Variants in ODAD2 observed in about 807,000 individuals in gnomAD.
ODAD2 encodes outer dynein arm-docking complex subunit 2.
A neutral mutation model predicts 106.8 loss-of-function variants in ODAD2; 89 were observed. The observed-to-expected ratio is 0.83, with a 90% CI of 0.70 to 0.99. The LOEUF is 0.99. ODAD2 is among the 50% of genes least tolerant of loss of function. ODAD2 has a pLI of 0.00. For synonymous variants in ODAD2, 404 were observed against 436.2 expected, an observed-to-expected ratio of 0.93 and a Z score of 0.92; for missense variants, 1,168 against 1,238.5, an observed-to-expected ratio of 0.94 and a Z score of 0.85.
At chr10:27,955,002 A>G (rs571078853) in intron 10 of ODAD2, among the ~76,000 whole-genome samples, 20 of 152,330 alleles carry the variant, frequency 1.3e-4, no homozygotes, top group South Asian at 1.0e-3. Context: ...AGCAATTAAA[A>G]AAAAGTCACA....
At chr10:27,816,878 T>C (rs1414886694) in intron 19 of ODAD2, among the ~76,000 whole-genome samples, 1 of 152,126 alleles carries the variant, frequency 6.6e-6, no homozygotes, top group Non-Finnish European at 1.5e-5. Context: ...GCCTCCTGAG[T>C]AGCTGGGATT....
At chr10:27,861,874 G>C (rs1299376967) in intron 18 of ODAD2, among the ~76,000 whole-genome samples, 2 of 152,098 alleles carry the variant, frequency 1.3e-5, no homozygotes, top group African/African-American at 2.4e-5. Context: ...ATCCTTCCAG[G>C]GTTTGAATTT....
intron 19 of ODAD2, among the ~76,000 whole-genome samples, chr10:27,832,024 C>A (rs956606696): frequency 6.6e-6 from 1 of 152,258 alleles, no homozygotes; most frequent in African/African-American, 2.4e-5. Flanking sequence ...GGGGCTTCCC[C>A]TGAAGGCTGG....
intron 1 of ODAD2, among the ~76,000 whole-genome samples, chr10:27,998,689 G>T (rs1430568317): frequency 6.6e-6 from 1 of 152,142 alleles, no homozygotes; most frequent in Non-Finnish European, 1.5e-5. Flanking sequence ...AGGGAAAGGG[G>T]AGCAGGCGAG....
intron 2 of ODAD2, among the ~76,000 whole-genome samples, chr10:27,989,197 C>A (rs1251576053): frequency 1.3e-5 from 2 of 152,094 alleles, no homozygotes; most frequent in Admixed American, 6.6e-5. Context: ...GTGTGTTAAG[C>A]CATTAGGTTT....
Position 27,981,509 on chromosome 10 carries a change from A to T in ODAD2, c.893T>A (p.Leu298Ter), listed in dbSNP as rs775883845. 6.5e-7 allele frequency: 1 copy of T among 1,533,288 alleles called. No individual in the cohort carries two copies. Among genetic ancestry groups the T allele is most frequent in the South Asian group, 1.3e-5 (1 of 75,814 alleles). 95.0% of individuals were successfully genotyped at this position (1,533,288 alleles called of 1,614,324 possible). The change falls in exon 7 of 20, where the codon TTA (leucine) becomes TAA (stop). Residue 298 changes from leucine to a stop codon, truncating the protein, a stop_gained. Coordinates refer to ENST00000305242, the MANE Select transcript of ODAD2 (RefSeq NM_018076.5). LOFTEE classifies it high-confidence loss of function. ...TGAAAATTTTGGTGATTTTTCTCTT[A>T]AAAATGTGACAAGGTTTTTATAAAT... is the stretch of plus-strand genomic sequence containing the variant. Reference protein sequence around the residue: ...GSIYKNLVTFLREKSPKFSEN... With the variant: ...GSIYKNLVTF
In ODAD2 at chr10:27,850,304, C is replaced by T. The variant is rs981864281; in HGVS notation, c.3021+10321G>A. On this transcript the variant is annotated intron_variant, in intron 19 of 19. Transcript: ENST00000305242. ...TATCAAAAACAAAAAAATTAGACGG[C>T]CGTGGTGGCAGGCGCCTGTAGTCGC... 8.6e-5 allele frequency among the ~76,000 whole-genome samples: 13 copies of T among 151,872 alleles called. No individual in the cohort carries two copies. The East Asian group carries it at 2.5e-3, about 29-fold the overall frequency.
At chr10:27,851,977 C>G (rs1210805567) in intron 19 of ODAD2, among the ~76,000 whole-genome samples, 1 of 152,120 alleles carries the variant, frequency 6.6e-6, no homozygotes, top group Non-Finnish European at 1.5e-5. Flanking sequence ...AGCATGATAA[C>G]AGATTTCCTC....
At chr10:27,830,225 C>T (rs373768857) in intron 19 of ODAD2, among the ~76,000 whole-genome samples, 16 of 152,202 alleles carry the variant, frequency 1.1e-4, no homozygotes, top group African/African-American at 3.6e-4. Context: ...ATGTCTTTCT[C>T]ACCACATAAC....
chr10:27,980,057 T>C (rs577376135), intron 7 of ODAD2, among the ~76,000 whole-genome samples: 1 of 152,188 alleles, frequency 6.6e-6, no homozygotes, highest in Admixed American at 6.5e-5. Flanking sequence ...TCAACAAGAA[T>C]GCTGAGACCA....
intron 2 of ODAD2, 48 bp from the exon 3 acceptor site, chr10:27,987,591 CAGT>C (rs769417157): frequency 4.4e-6 from 6 of 1,375,832 alleles, no homozygotes; most frequent in African/African-American, 2.9e-5. Context: ...ACCTAGAGGT[CAGT>C]AGAAGTTAAA....
At position 27,961,112 on chromosome 10, in the gene ODAD2, T is replaced by C. The variant is rs752147402; in HGVS notation, c.1386+456A>G. Among the ~76,000 whole-genome samples the C allele has an allele frequency of 7.0e-4, 107 of 152,330 alleles. 1 individual carries two copies. Among genetic ancestry groups the C allele is most frequent in the Non-Finnish European group, 6.5e-4 (44 of 68,038 alleles). On this transcript the variant is annotated intron_variant, in intron 10 of 19. Transcript: ENST00000305242. ...ATGCTATGGTTCAAGTGTGTTTTAT[T>C]AAACTTTATAATAGTCCTGTAGTAC...
intron 19 of ODAD2, among the ~76,000 whole-genome samples, chr10:27,847,009 G>C (rs567109951): frequency 6.6e-6 from 1 of 152,048 alleles, no homozygotes; most frequent in Non-Finnish European, 1.5e-5. Flanking sequence ...GAGGAGCGGG[G>C]ACCATTCCTT....
At chr10:27,965,952 T>C (rs1564557603) in intron 9 of ODAD2, among the ~76,000 whole-genome samples, 1 of 152,242 alleles carries the variant, frequency 6.6e-6, no homozygotes, top group South Asian at 2.1e-4. Flanking sequence ...ATTCTCATTT[T>C]CTTTGTTTCT....
chr10:27,833,194 G>A (rs1185381936), intron 19 of ODAD2, among the ~76,000 whole-genome samples: 2 of 152,182 alleles, frequency 1.3e-5, no homozygotes, highest in Non-Finnish European at 2.9e-5. Flanking sequence ...TACAGTGCAT[G>A]CTTTCTAAAT....
At chr10:27,878,952 T>C (rs1370780756) in intron 17 of ODAD2, among the ~76,000 whole-genome samples, 2 of 152,178 alleles carry the variant, frequency 1.3e-5, no homozygotes, top group Non-Finnish European at 2.9e-5. Context: ...ACCCTTGTCC[T>C]TGTGAACCAA....
At chr10:27,817,013 G>A (rs1201490630) in intron 19 of ODAD2, among the ~76,000 whole-genome samples, 1 of 152,282 alleles carries the variant, frequency 6.6e-6, no homozygotes, top group East Asian at 1.9e-4. Context: ...GCCTCCAAAA[G>A]TGCTTGGATT....
intron 6 of ODAD2, 51 bp downstream of exon 6, chr10:27,983,792 C>T (rs1199521229): frequency 6.4e-7 from 1 of 1,555,568 alleles, no homozygotes; most frequent in Middle Eastern, 1.7e-4. Flanking sequence ...ACATCTACAG[C>T]TAACAATCAA....
intron 16 of ODAD2, among the ~76,000 whole-genome samples, chr10:27,923,699 G>T (rs75189290): frequency 6.6e-6 from 1 of 152,112 alleles, no homozygotes; most frequent in Admixed American, 6.6e-5. Flanking sequence ...TGTAATCTCA[G>T]TGCTTTGAGA....
Sources: gnomAD v4.1 joint callset for allele counts (sites outside exome capture counted in the v4.1 genomes callset) on GRCh38, gnomAD v4.1.1 for gene constraint, MANE v1.5 for transcripts, NCBI Gene and HGNC (gene_info 2026-07-23, HGNC 2026-07-21) for gene names.